DYRK2: variants seen among roughly 807,000 people sequenced by gnomAD.
The protein encoded by DYRK2 is dual specificity tyrosine phosphorylation regulated kinase 2.
A neutral mutation model predicts 41.6 loss-of-function variants in DYRK2; 12 were observed. The observed-to-expected ratio is 0.29, with a 90% CI of 0.18 to 0.47. The LOEUF is 0.47. Among genes scored for constraint, DYRK2 ranks in the 20% least tolerant of loss-of-function variants. The pLI, the probability that DYRK2 is intolerant of heterozygous loss-of-function variation, is 1.00. For missense variants in DYRK2, 678 were observed against 798.4 expected, an observed-to-expected ratio of 0.85 and a Z score of 1.82; for synonymous variants, 322 against 315.7, an observed-to-expected ratio of 1.02 and a Z score of -0.21.
rs1306419761 is a variant in DYRK2, at chr12:67,662,385, A to T, written c.*3672A>T. 3.0e-5 allele frequency: 5 copies of T among 167,010 alleles called. No individual in the cohort carries two copies. The highest frequency in any genetic ancestry group is 3.8e-4 in the East Asian group (2 of 5,202). 10.3% of individuals were successfully genotyped at this position (167,010 alleles called of 1,614,324 possible). A position where few individuals can be genotyped will look rare whatever the true frequency, so the allele number is the denominator to read the frequency against. ...GGGTTTTTATCGAGCAACAACTTAGACACGTGACTGTAATATGCTGCAACT... is the reference window on the plus strand; with the variant it reads ...GGGTTTTTATCGAGCAACAACTTAGTCACGTGACTGTAATATGCTGCAACT... On this transcript the variant is annotated 3_prime_UTR_variant, in exon 3 of 3. Transcript: ENST00000344096.
rs775166918 is a variant in DYRK2 at position 67,660,051 on chromosome 12, C to T, written c.*1338C>T. The T allele has an allele frequency of 6.0e-6, 1 of 166,980 alleles. No homozygotes were observed. The highest frequency in any genetic ancestry group is 2.4e-5 in the African/African-American group (1 of 41,424). 10.3% of individuals were successfully genotyped at this position (166,980 alleles called of 1,614,324 possible). A position where few individuals can be genotyped will look rare whatever the true frequency, so the allele number is the denominator to read the frequency against. ...GAGTTTGGTAAAAGAATATTTTCTTCTCTGAATAATAATTATTTTCACAGT... is the reference window on the plus strand; with the variant it reads ...GAGTTTGGTAAAAGAATATTTTCTTTTCTGAATAATAATTATTTTCACAGT... On this transcript the variant is annotated 3_prime_UTR_variant, in exon 3 of 3. Transcript: ENST00000344096.
At chr12:67,649,298 G>T (rs992122848) in intron 1 of DYRK2, 116 bp downstream of exon 1, 19 of 858,214 alleles carry the variant, frequency 2.2e-5, no homozygotes, top group Non-Finnish European at 2.7e-5. Context: ...GGCGCGGCGC[G>T]GGGGAGCCCC....
At position 67,662,714 on chromosome 12, in the gene DYRK2, T is replaced by C; in HGVS notation, c.*4001T>C. 6.1e-6 allele frequency: 1 copy of C among 162,892 alleles called. No individual in the cohort carries two copies. The highest frequency in any genetic ancestry group is 6.5e-5 in the Admixed American group (1 of 15,284). The allele number at this position is 162,892 out of a possible 1,614,324, so 10.1% of individuals were successfully genotyped here. ...TTTAACTCCTGATCTATTTCTGGTA[T>C]TATCCTTTGTCAATTAGCCTGGAGA... is the stretch of plus-strand genomic sequence containing the variant. On this transcript the variant is annotated 3_prime_UTR_variant, in exon 3 of 3. Coordinates refer to ENST00000344096, the MANE Select transcript of DYRK2 (RefSeq NM_006482.3).
At chr12:67,656,698 A>G (rs1468292880) in intron 2 of DYRK2, among the ~76,000 whole-genome samples, 2 of 152,290 alleles carry the variant, frequency 1.3e-5, no homozygotes, top group South Asian at 2.1e-4. Context: ...TTAATAAACT[A>G]CTAGATGAAA....
chr12:67,663,147 T>C lies in DYRK2; in HGVS notation c.*4434T>C, dbSNP rs1872666860. 6.6e-6 allele frequency: 1 copy of C among 152,094 alleles called. No homozygotes were observed. The highest frequency in any genetic ancestry group is 2.1e-4 in the South Asian group (1 of 4,822). The allele number at this position is 152,094 out of a possible 1,614,324, so 9.4% of individuals were successfully genotyped here. On this transcript the variant is annotated 3_prime_UTR_variant, in exon 3 of 3. Transcript: ENST00000344096. ...TCCACCCAATGTTTTTTAATGCTTA[T>C]GAGTTTGCAGTTTTTGTACTTGGTG...
Position 67,661,058 on chromosome 12 carries a change from CTT to C in DYRK2, c.*2348_*2349del, listed in dbSNP as rs1349320715. On this transcript the variant is annotated 3_prime_UTR_variant, in exon 3 of 3. Coordinates refer to ENST00000344096, the MANE Select transcript of DYRK2 (RefSeq NM_006482.3). Reference sequence around the variant, plus strand: ...TTTATTTATAAATGGAAACCGGAAACTTTTATACCAAACTATAATAATGTGCA... The same window carrying C: ...TTTATTTATAAATGGAAACCGGAAACTTATACCAAACTATAATAATGTGCA... The C allele has an allele frequency of 6.0e-6, 1 of 165,616 alleles. No individual in the cohort carries two copies. Among genetic ancestry groups the C allele is most frequent in the South Asian group, 2.1e-4 (1 of 4,808 alleles). 10.3% of individuals were successfully genotyped at this position (165,616 alleles called of 1,614,324 possible). A position where few individuals can be genotyped will look rare whatever the true frequency, so the allele number is the denominator to read the frequency against.
rs749972090 is a variant in DYRK2 at position 67,658,649 on chromosome 12, C to T, written c.1742C>T (p.Ala581Val). ...GCTTCCAAACTGAGGACTAATTTGG[C>T]GCAGATGACAGATGCCAATGGGAAT... Reference protein sequence around the residue: ...SSASKLRTNLAQMTDANGNIQ... With the variant: ...SSASKLRTNLVQMTDANGNIQ... The change falls in exon 3 of 3, where the codon GCG becomes GTG. Residue 581 changes from alanine to valine, a missense_variant. Physicochemically the swap from Ala to Val is moderately conservative, Grantham distance 64. Transcript: ENST00000344096. This position sits in a 1 kb window ranked among gnomAD's most constrained non-coding sequence, Gnocchi z 4.3. 17 of 1,613,844 alleles carry T rather than the reference C, an allele frequency of 1.1e-5. No individual in the cohort carries two copies. The highest frequency in any genetic ancestry group is 1.7e-5 in the Admixed American group (1 of 59,982).
rs911280208 is a variant in DYRK2, at chr12:67,648,817, C to G, written c.-317C>G. On this transcript the variant is annotated 5_prime_UTR_variant, in exon 1 of 3. Coordinates refer to ENST00000344096, the MANE Select transcript of DYRK2 (RefSeq NM_006482.3). Reference sequence around the variant, plus strand: ...CGCAGCGCTTCCAGCTCCCCGCGCCCCTATGTGAGGGAGACGGGGAGGCCC... The same window carrying G: ...CGCAGCGCTTCCAGCTCCCCGCGCCGCTATGTGAGGGAGACGGGGAGGCCC... The G allele has an allele frequency of 2.1e-5, 4 of 191,878 alleles. No individual in the cohort carries two copies. Among genetic ancestry groups the G allele is most frequent in the Non-Finnish European group, 3.2e-5 (3 of 95,188 alleles). 11.9% of individuals were successfully genotyped at this position (191,878 alleles called of 1,614,324 possible).
In DYRK2 at chr12:67,665,023, T is replaced by A. The variant is rs1374421110; in HGVS notation, c.*6310T>A. The A allele has an allele frequency of 1.3e-5, 2 of 152,182 alleles. No homozygotes were observed. Among genetic ancestry groups the A allele is most frequent in the Admixed American group, 6.5e-5 (1 of 15,278 alleles). The allele number at this position is 152,182 out of a possible 1,614,324, so 9.4% of individuals were successfully genotyped here. ...CTGACTGTAGCAGCAGGTAAATCTC[T>A]TAAATTTACTCAGGTTTCCTATCCT... On this transcript the variant is annotated 3_prime_UTR_variant, in exon 3 of 3. Coordinates refer to ENST00000344096, the MANE Select transcript of DYRK2 (RefSeq NM_006482.3).
intron 2 of DYRK2, among the ~76,000 whole-genome samples, chr12:67,655,605 AT>A (rs1374997927): frequency 6.6e-6 from 1 of 152,234 alleles, no homozygotes; most frequent in Non-Finnish European, 1.5e-5. Flanking sequence ...AAGAAATGAT[AT>A]CCCTGAGCCT....
chr12:67,653,631 C>T (rs935980618), intron 2 of DYRK2, among the ~76,000 whole-genome samples: 8 of 152,190 alleles, frequency 5.3e-5, no homozygotes, highest in African/African-American at 1.9e-4. Context: ...TCACCAGGGA[C>T]GTTTCTTAAT....
Position 67,663,317 on chromosome 12 carries a change from C to T in DYRK2, c.*4604C>T, listed in dbSNP as rs1872670777. 1 of 152,078 alleles carries T rather than the reference C, an allele frequency of 6.6e-6. No individual in the cohort carries two copies. The highest frequency in any genetic ancestry group is 2.4e-5 in the African/African-American group (1 of 41,438). 9.4% of individuals were successfully genotyped at this position (152,078 alleles called of 1,614,324 possible). ...GAGTTTACTTACAGATGACAGCAAG[C>T]AGATGCTCTAGTAATTCGTCAGACA... On this transcript the variant is annotated 3_prime_UTR_variant, in exon 3 of 3. Transcript: ENST00000344096.
chr12:67,653,122 G>A (rs1252521575), intron 2 of DYRK2, among the ~76,000 whole-genome samples: 12 of 152,156 alleles, frequency 7.9e-5, no homozygotes, highest in Non-Finnish European at 8.8e-5. Flanking sequence ...GAGCCCCTGT[G>A]CCCGGCCTCA....
rs570280018 is a variant in DYRK2, at chr12:67,663,494, A to T, written c.*4781A>T. On this transcript the variant is annotated 3_prime_UTR_variant, in exon 3 of 3. Transcript: ENST00000344096. ...GGATATGCTTAAACAAGGGAATGCC[A>T]TAAGAGTTCCCAATTGCCTCGTCAT... 6.6e-6 allele frequency: 1 copy of T among 152,120 alleles called. No individual in the cohort carries two copies. Among genetic ancestry groups the T allele is most frequent in the Non-Finnish European group, 1.5e-5 (1 of 68,000 alleles). The allele number at this position is 152,120 out of a possible 1,614,324, so 9.4% of individuals were successfully genotyped here.
Position 67,658,852 on chromosome 12 carries a change from G to A in DYRK2, c.*139G>A. ...TATCTTTTCAGCACTTAATTTTAAT[G>A]TAAGAAAGTTGTTCATTTTGTTTTT... On this transcript the variant is annotated 3_prime_UTR_variant, in exon 3 of 3. Transcript: ENST00000344096. This position sits in a 1 kb window ranked among gnomAD's most constrained non-coding sequence, Gnocchi z 4.3. 2.1e-6 allele frequency: 2 copies of A among 971,678 alleles called. No homozygotes were observed. Among genetic ancestry groups the A allele is most frequent in the Non-Finnish European group, 2.9e-6 (2 of 683,634 alleles). 60.2% of individuals were successfully genotyped at this position (971,678 alleles called of 1,614,324 possible).
rs1389763528 is a variant in DYRK2, at chr12:67,664,920, T to C, written c.*6207T>C. 1 of 151,666 alleles carries C rather than the reference T, an allele frequency of 6.6e-6. No individual in the cohort carries two copies. The highest frequency in any genetic ancestry group is 1.5e-5 in the Non-Finnish European group (1 of 67,850). 9.4% of individuals were successfully genotyped at this position (151,666 alleles called of 1,614,324 possible). A position where few individuals can be genotyped will look rare whatever the true frequency, so the allele number is the denominator to read the frequency against. ...ATTCTTTATTTTCTGTGTTCTTAAA[T>C]TTTTTTTTACATTTGAAAGTATGAA... On this transcript the variant is annotated 3_prime_UTR_variant, in exon 3 of 3. Transcript: ENST00000344096.
chr12:67,649,125 C>G lies in DYRK2; in HGVS notation c.-9C>G, dbSNP rs570524231. 9 of 1,511,938 alleles carry G rather than the reference C, an allele frequency of 6.0e-6. No homozygotes were observed. The South Asian group carries it at 9.8e-5, about 16-fold the overall frequency. 93.7% of individuals were successfully genotyped at this position (1,511,938 alleles called of 1,614,324 possible). A position where few individuals can be genotyped will look rare whatever the true frequency, so the allele number is the denominator to read the frequency against. ...GCAGCCCTGAAATGCATTTTCCTCT[C>G]CAGCGGCCATGTTAACCAGGAAACC... On this transcript the variant is annotated 5_prime_UTR_variant, in exon 1 of 3. Coordinates refer to ENST00000344096, the MANE Select transcript of DYRK2 (RefSeq NM_006482.3).
intron 2 of DYRK2, among the ~76,000 whole-genome samples, chr12:67,651,317 A>G (rs968168235): frequency 3.3e-5 from 5 of 152,216 alleles, no homozygotes; most frequent in African/African-American, 1.2e-4. Flanking sequence ...GGAAAATATA[A>G]TACCCAGTTT....
At position 67,658,837 on chromosome 12, in the gene DYRK2, G is replaced by C; in HGVS notation, c.*124G>C. ...AACTCTACTCATTTGTATCTTTTCA[G>C]CACTTAATTTTAATGTAAGAAAGTT... On this transcript the variant is annotated 3_prime_UTR_variant, in exon 3 of 3. Transcript: ENST00000344096. This position sits in a 1 kb window ranked among gnomAD's most constrained non-coding sequence, Gnocchi z 4.3. 9.2e-7 allele frequency: 1 copy of C among 1,088,216 alleles called. No homozygotes were observed. The allele number at this position is 1,088,216 out of a possible 1,614,324, so 67.4% of individuals were successfully genotyped here. A position where few individuals can be genotyped will look rare whatever the true frequency, so the allele number is the denominator to read the frequency against.
Sources: gnomAD v4.1 joint callset for allele counts (sites outside exome capture counted in the v4.1 genomes callset) on GRCh38, gnomAD v4.1.1 for gene constraint, Gnocchi (gnomAD v3.1) non-coding constraint, MANE v1.5 for transcripts, NCBI Gene and HGNC (gene_info 2026-07-23, HGNC 2026-07-21) for gene names.